The following OTULIN variants were observed in gnomAD, a reference collection of about 807,000 sequenced individuals.
The protein encoded by OTULIN is ubiquitin thioesterase otulin.
In OTULIN, 15 loss-of-function variants were observed where a neutral mutation model predicts 39.6. That is an observed-to-expected ratio of 0.38 (90% CI 0.25 to 0.58). OTULIN has a LOEUF of 0.58. Ranked by LOEUF, OTULIN falls within the 20% of genes least tolerant of loss-of-function variation. The probability of loss-of-function intolerance (pLI) is 0.66; values close to 1 mark genes in which losing one functional copy is unlikely to be tolerated. For missense variants in OTULIN, 319 were observed against 445.9 expected, an observed-to-expected ratio of 0.72 and a Z score of 2.56; for synonymous variants, 156 against 170.3, an observed-to-expected ratio of 0.92 and a Z score of 0.65.
At chr5:14,700,805 A>T (rs187245633), downstream of OTULIN, among the ~76,000 whole-genome samples, 2 of 152,114 alleles carry the variant, frequency 1.3e-5, no homozygotes, top group Admixed American at 6.5e-5. Flanking sequence ...ACATAATTCA[A>T]TCGGAGACCT....
downstream of OTULIN, among the ~76,000 whole-genome samples, chr5:14,703,094 C>G (rs1282093940): frequency 2.0e-5 from 3 of 152,140 alleles, no homozygotes; most frequent in African/African-American, 7.2e-5. Context: ...CCAGAGGCGT[C>G]TAGTCACTTG....
At chr5:14,687,679 G>T in intron 5 of OTULIN, 33 bp downstream of exon 5, 2 of 1,558,810 alleles carry the variant, frequency 1.3e-6, no homozygotes, top group Non-Finnish European at 8.6e-7. Flanking sequence ...TCTGATAAGG[G>T]TGAAGCTCTC....
At chr5:14,712,433 T>G in the OTULIN span, among the ~76,000 whole-genome samples, 1 of 152,366 alleles carries the variant, frequency 6.6e-6, no homozygotes, top group South Asian at 2.1e-4. Context: ...TCGGACTGCA[T>G]CTCTGCTCCG....
chr5:14,690,413 T>C lies in OTULIN; in HGVS notation c.864+105T>C, dbSNP rs1441846380. On this transcript the variant is annotated intron_variant, in intron 6 of 6. Coordinates refer to ENST00000284274, the MANE Select transcript of OTULIN (RefSeq NM_138348.6). This position sits in a 1 kb window ranked among gnomAD's most constrained non-coding sequence, Gnocchi z 4.5. Reference sequence around the variant, plus strand: ...GTCAGAAATTCAGGGACAGCTTAGTTGGATGGTTCTGGCTCAGGATGTCAT... The same window carrying C: ...GTCAGAAATTCAGGGACAGCTTAGTCGGATGGTTCTGGCTCAGGATGTCAT... 1 of 1,349,424 alleles carries C rather than the reference T, an allele frequency of 7.4e-7. No homozygotes were observed. The highest frequency in any genetic ancestry group is 1.5e-5 in the African/African-American group (1 of 68,394). 83.6% of individuals were successfully genotyped at this position (1,349,424 alleles called of 1,614,324 possible). A position where few individuals can be genotyped will look rare whatever the true frequency, so the allele number is the denominator to read the frequency against.
chr5:14,687,974 TATATC>T (rs1418079512), intron 5 of OTULIN: 1 of 166,934 alleles, frequency 6.0e-6, no homozygotes, highest in Non-Finnish European at 1.3e-5. Context: ...TCCTATTTCT[TATATC>T]ATTAGTAATT....
At chr5:14,711,691 A>T in the OTULIN span, among the ~76,000 whole-genome samples, 1 of 152,182 alleles carries the variant, frequency 6.6e-6, no homozygotes, top group Non-Finnish European at 1.5e-5. Context: ...ATCTCACATT[A>T]TCAAAATATT....
chr5:14,684,937 T>C (rs1736348227), intron 4 of OTULIN, among the ~76,000 whole-genome samples: 1 of 152,220 alleles, frequency 6.6e-6, no homozygotes, highest in Non-Finnish European at 1.5e-5. Flanking sequence ...TCACCTCCTG[T>C]CATCCTGCCC....
chr5:14,701,874 C>T (rs558383720), downstream of OTULIN, among the ~76,000 whole-genome samples: 2 of 152,268 alleles, frequency 1.3e-5, no homozygotes, highest in African/African-American at 2.4e-5. Flanking sequence ...AAGGACCTGC[C>T]GGGCAAAGCA....
chr5:14,682,438 T>G (rs1736275145), intron 4 of OTULIN, among the ~76,000 whole-genome samples: 1 of 152,164 alleles, frequency 6.6e-6, no homozygotes. Context: ...GATTACAACT[T>G]GCTGAAGGCC....
Position 14,664,872 on chromosome 5 carries a change from G to C in OTULIN, c.47G>C (p.Ser16Thr). ...MPQPEAWPGA[S>T]CAETPAREAA... ...CAGCCCGAAGCGTGGCCAGGCGCGAGCTGCGCCGAGACGCCGGCGCGGGAG... is the reference window on the plus strand; with the variant it reads ...CAGCCCGAAGCGTGGCCAGGCGCGACCTGCGCCGAGACGCCGGCGCGGGAG... Residue 16 changes from serine to threonine, a missense_variant, in exon 1 of 7, where the codon AGC becomes ACC. Physicochemically the swap from Ser to Thr is moderately conservative, Grantham distance 58. Around this residue, in one of 4 missense-constraint regions of OTULIN, gnomAD observed 132 missense variants for 143.7 expected, o/e 0.92. Transcript: ENST00000284274. The C allele has an allele frequency of 8.3e-7, 1 of 1,199,902 alleles. No homozygotes were observed. Among genetic ancestry groups the C allele is most frequent in the Non-Finnish European group, 1.0e-6 (1 of 967,538 alleles). 74.3% of individuals were successfully genotyped at this position (1,199,902 alleles called of 1,614,324 possible).
At chr5:14,711,234 ACCT>A in the OTULIN span, 9 of 1,613,840 alleles carry the variant, frequency 5.6e-6, no homozygotes, top group South Asian at 2.2e-5. Context: ...GATGTCTGTC[ACCT>A]CCTCTGTCGG....
In OTULIN at chr5:14,690,521, CAT is replaced by C. The variant is rs200446916; in HGVS notation, c.864+214_864+215del. ...AGATCTACTTCCAGTGTTGTTCACT[CAT>C]GTGGCTGTGGGCAGGAGGCTTCAGT... On this transcript the variant is annotated intron_variant, in intron 6 of 6. Transcript: ENST00000284274. The surrounding 1 kb of genome is among the most constrained non-coding windows in gnomAD (Gnocchi z 4.5). Among the ~76,000 whole-genome samples, 1,840 of 152,256 alleles carry C rather than the reference CAT, an allele frequency of 0.012. 12 individuals are homozygous for C. The highest frequency in any genetic ancestry group is 0.019 in the Non-Finnish European group (1,265 of 68,018).
downstream of OTULIN, among the ~76,000 whole-genome samples, chr5:14,702,266 G>A (rs258290): frequency 0.7 from 105,844 of 152,026 alleles, 38,747 homozygotes; most frequent in Middle Eastern, 0.85. Flanking sequence ...AGGAAAGAGT[G>A]TACAGGGATG....
At chr5:14,674,480 G>GTGTGT (rs1736054042) in intron 2 of OTULIN, among the ~76,000 whole-genome samples, 2 of 152,384 alleles carry the variant, frequency 1.3e-5, no homozygotes, top group African/African-American at 4.8e-5. Flanking sequence ...AGAAGGCTGG[G>GTGTGT]TGTGGTGGAT....
chr5:14,714,613 G>A, the OTULIN span, among the ~76,000 whole-genome samples: 5 of 152,286 alleles, frequency 3.3e-5, no homozygotes, highest in African/African-American at 9.6e-5. Context: ...CCTCTGGGTG[G>A]AAGCCTTATA....
At chr5:14,707,914 A>G in the OTULIN span, 1 of 152,184 alleles carries the variant, frequency 6.6e-6, no homozygotes, top group Non-Finnish European at 1.5e-5. Context: ...ATGGGGGATG[A>G]CTGTTTTTTA....
rs1423808381 is a variant in OTULIN, at chr5:14,693,576, G to A, written c.*528G>A. 6.6e-6 allele frequency: 1 copy of A among 152,214 alleles called. No homozygotes were observed. Among genetic ancestry groups the A allele is most frequent in the African/African-American group, 2.4e-5 (1 of 41,424 alleles). The allele number at this position is 152,214 out of a possible 1,614,324, so 9.4% of individuals were successfully genotyped here. Reference sequence around the variant, plus strand: ...AGTCTGCTTTAAGTGGTATAATTCTGGGATAGATCTGTTACTGGCATAGTC... The same window carrying A: ...AGTCTGCTTTAAGTGGTATAATTCTAGGATAGATCTGTTACTGGCATAGTC... On this transcript the variant is annotated 3_prime_UTR_variant, in exon 7 of 7. Transcript: ENST00000284274.
intron 3 of OTULIN, 144 bp from the exon 4 acceptor site, chr5:14,681,320 C>T (rs1736243675): frequency 2.4e-6 from 2 of 827,500 alleles, no homozygotes; most frequent in Non-Finnish European, 3.8e-6. Flanking sequence ...AGTGTTAAAA[C>T]AATTGCTTAG....
At chr5:14,670,374 A>G (rs1735950154) in intron 1 of OTULIN, among the ~76,000 whole-genome samples, 1 of 152,188 alleles carries the variant, frequency 6.6e-6, no homozygotes, top group South Asian at 2.1e-4. Context: ...TTTCAGCTTT[A>G]TTATTTTAAT....
Sources: gnomAD v4.1 joint callset for allele counts (sites outside exome capture counted in the v4.1 genomes callset) on GRCh38, gnomAD v4.1.1 for gene constraint, gnomAD v4.1.1 regional missense constraint, Gnocchi (gnomAD v3.1) non-coding constraint, MANE v1.5 for transcripts, NCBI Gene and HGNC (gene_info 2026-07-23, HGNC 2026-07-21) for gene names.